Variants in SGCG observed in about 807,000 individuals in gnomAD.
SGCG encodes gamma-sarcoglycan.
Under a neutral mutation model 29.3 loss-of-function variants are expected in SGCG, and 26 were observed. The observed-to-expected ratio is 0.89, with a 90% CI of 0.65 to 1.23. The LOEUF (loss-of-function observed/expected upper bound fraction) is 1.23. Ranked by LOEUF, SGCG falls within the 50% of genes most tolerant of loss-of-function variation. SGCG has a pLI of 0.00. For synonymous variants in SGCG, 145 were observed against 129.7 expected (o/e 1.12, Z -0.80); for missense variants, 353 against 356.0 (o/e 0.99, Z 0.07).
intron 1 of SGCG, among the ~76,000 whole-genome samples, chr13:23,201,126 G>T (rs1034416329): frequency 6.6e-6 from 1 of 151,902 alleles, no homozygotes; most frequent in African/African-American, 2.4e-5. Flanking sequence ...GGTGGCTGTT[G>T]CAGTGACCCA....
At chr13:23,269,771 G>C (rs1880787247) in intron 4 of SGCG, among the ~76,000 whole-genome samples, 1 of 150,824 alleles carries the variant, frequency 6.6e-6, no homozygotes, top group Admixed American at 6.6e-5. Context: ...CCATATATAT[G>C]AACATTTAAG....
At chr13:23,283,048 A>G (rs753934745) in intron 5 of SGCG, among the ~76,000 whole-genome samples, 17 of 152,302 alleles carry the variant, frequency 1.1e-4, no homozygotes, top group East Asian at 3.9e-4. Context: ...TATGTGGTCA[A>G]TTTTGGAATT....
At chr13:23,185,063 T>C in intron 1 of SGCG, among the ~76,000 whole-genome samples, 1 of 152,228 alleles carries the variant, frequency 6.6e-6, no homozygotes, top group East Asian at 1.9e-4. Context: ...GTTGTGGTTT[T>C]TGCAATCTTT....
intron 3 of SGCG, 69 bp from the exon 4 acceptor site, chr13:23,250,561 C>T (rs1879920495): frequency 1.3e-6 from 1 of 782,932 alleles, no homozygotes; most frequent in African/African-American, 1.7e-5. Flanking sequence ...CCTAAATTTA[C>T]ACAGAATTAT....
At chr13:23,313,524 T>G (rs764755381) in intron 6 of SGCG, among the ~76,000 whole-genome samples, 4 of 152,216 alleles carry the variant, frequency 2.6e-5, no homozygotes, top group Non-Finnish European at 5.9e-5. Flanking sequence ...AGGTCATACA[T>G]GTTTGACTGT....
At chr13:23,196,590 G>A (rs886534959) in intron 1 of SGCG, among the ~76,000 whole-genome samples, 2 of 151,688 alleles carry the variant, frequency 1.3e-5, no homozygotes, top group African/African-American at 2.4e-5. Flanking sequence ...TGATGTATAC[G>A]TGTATTCATT....
intron 5 of SGCG, among the ~76,000 whole-genome samples, chr13:23,288,121 G>A (rs1162300491): frequency 1.3e-5 from 2 of 152,152 alleles, no homozygotes; most frequent in African/African-American, 2.4e-5. Flanking sequence ...TCCACTACCT[G>A]TGATAACAGT....
intron 4 of SGCG, among the ~76,000 whole-genome samples, chr13:23,278,046 C>A (rs2137615416): frequency 6.6e-6 from 1 of 152,172 alleles, no homozygotes; most frequent in East Asian, 2.0e-4. Context: ...GTTGGCCAGG[C>A]TGGTGTCAAA....
At chr13:23,299,967 G>C (rs976566671) in intron 6 of SGCG, among the ~76,000 whole-genome samples, 21 of 152,142 alleles carry the variant, frequency 1.4e-4, no homozygotes, top group African/African-American at 4.8e-4. Context: ...TTGCAAACAA[G>C]TTAGAAAAGT....
At position 23,322,785 on chromosome 13, in the gene SGCG, C is replaced by T. The variant is rs868557053; in HGVS notation, c.703-1583C>T. 2.6e-4 allele frequency among the ~76,000 whole-genome samples: 30 copies of T among 115,332 alleles called. 1 individual carries two copies. The highest frequency in any genetic ancestry group is 8.9e-4 in the African/African-American group (27 of 30,310). The allele number at this position is 115,332 out of a possible 152,430, so 75.7% of individuals were successfully genotyped here. A position where few individuals can be genotyped will look rare whatever the true frequency, so the allele number is the denominator to read the frequency against. ...ACCCATCCACCTCCCCCCCCCCCCCCCCCCGCCAACAGGTGTAACGTGGTG... is the reference window on the plus strand; with the variant it reads ...ACCCATCCACCTCCCCCCCCCCCCCTCCCCGCCAACAGGTGTAACGTGGTG... On this transcript the variant is annotated intron_variant, in intron 7 of 7. Transcript: ENST00000218867.
intron 1 of SGCG, among the ~76,000 whole-genome samples, chr13:23,196,212 C>T (rs1170873441): frequency 2.0e-5 from 3 of 152,028 alleles, no homozygotes; most frequent in Non-Finnish European, 4.4e-5. Context: ...AATCCTTCTT[C>T]ATTTAATGTC....
In SGCG at chr13:23,253,723, G is replaced by A. The variant is rs1463731854; in HGVS notation, c.385+3006G>A. Among the ~76,000 whole-genome samples, 2 of 152,214 alleles carry A rather than the reference G, an allele frequency of 1.3e-5. 1 individual carries two copies. Among genetic ancestry groups the A allele is most frequent in the African/African-American group, 4.8e-5 (2 of 41,456 alleles). On this transcript the variant is annotated intron_variant, in intron 4 of 7. Transcript: ENST00000218867. ...AAATGTGATTCCCAATGTGGAAGGTGGGGCCTAATGGATGGTATTGTATCA... is the reference window on the plus strand; with the variant it reads ...AAATGTGATTCCCAATGTGGAAGGTAGGGCCTAATGGATGGTATTGTATCA...
At chr13:23,161,900 G>A in the SGCG span, among the ~76,000 whole-genome samples, 1 of 152,218 alleles carries the variant, frequency 6.6e-6, no homozygotes, top group Admixed American at 6.5e-5. Context: ...AATAATTAAC[G>A]TGTATGATAC....
At chr13:23,315,162 G>C (rs1202109289) in intron 6 of SGCG, among the ~76,000 whole-genome samples, 1 of 152,176 alleles carries the variant, frequency 6.6e-6, no homozygotes, top group Non-Finnish European at 1.5e-5. Flanking sequence ...GCCATCTTCT[G>C]AAGATAACTA....
At chr13:23,298,578 A>G (rs537030255) in intron 6 of SGCG, among the ~76,000 whole-genome samples, 4 of 152,330 alleles carry the variant, frequency 2.6e-5, no homozygotes, top group African/African-American at 9.6e-5. Context: ...TTGAAAATGG[A>G]TAAAAAGATT....
intron 3 of SGCG, chr13:23,243,637 C>T (rs1879591562): frequency 6.6e-6 from 1 of 152,144 alleles, no homozygotes; most frequent in Non-Finnish European, 1.5e-5. Context: ...CACCAGAACC[C>T]TGTCCTCCCA....
Position 23,320,623 on chromosome 13 carries a change from T to C in SGCG, c.579-14T>C. The C allele has an allele frequency of 6.4e-7, 1 of 1,552,370 alleles. No individual in the cohort carries two copies. The highest frequency in any genetic ancestry group is 8.8e-7 in the Non-Finnish European group (1 of 1,142,846). On this transcript the variant is annotated splice_polypyrimidine_tract_variant and intron_variant, in intron 6 of 7. Coordinates refer to ENST00000218867, the MANE Select transcript of SGCG (RefSeq NM_000231.3). The stretch of plus-strand genomic sequence containing the variant: ...TTTTTTTTTTTTTTTTTGTGCTTCT[T>C]TTCCTCATCTCAGATTAGAATCCCC...
At position 23,248,426 on chromosome 13, in the gene SGCG, G is replaced by A. The variant is rs539573670; in HGVS notation, c.298-2204G>A. Among the ~76,000 whole-genome samples the A allele has an allele frequency of 6.6e-5, 10 of 152,262 alleles. No homozygotes were observed. The East Asian group carries it at 1.5e-3, about 24-fold the overall frequency. On this transcript the variant is annotated intron_variant, in intron 3 of 7. Coordinates refer to ENST00000218867, the MANE Select transcript of SGCG (RefSeq NM_000231.3). ...AAATCAAAAAGCACAATCTGGCCAGGCGCGGTGGCTCAGCCTGTAATCCCA... is the reference window on the plus strand; with the variant it reads ...AAATCAAAAAGCACAATCTGGCCAGACGCGGTGGCTCAGCCTGTAATCCCA...
At chr13:23,201,704 A>G (rs1434568091) in intron 1 of SGCG, among the ~76,000 whole-genome samples, 1 of 152,220 alleles carries the variant, frequency 6.6e-6, no homozygotes, top group Non-Finnish European at 1.5e-5. Flanking sequence ...TGCTACAGCA[A>G]CAATAGGAAA....
Sources: allele counts gnomAD v4.1 joint callset (sites outside exome capture counted in the v4.1 genomes callset), GRCh38; gene constraint gnomAD v4.1.1; transcripts MANE v1.5; gene names NCBI Gene and HGNC (gene_info 2026-07-23, HGNC 2026-07-21).